Variants in MARCHF1 observed in about 807,000 individuals in gnomAD.
MARCHF1 encodes membrane associated ring-CH-type finger 1.
A neutral mutation model predicts 54.2 loss-of-function variants in MARCHF1; 40 were observed. The observed-to-expected ratio is 0.74, with a 90% confidence interval of 0.57 to 0.96. The LOEUF is 0.96. Among genes scored for constraint, MARCHF1 ranks in the 40% least tolerant of loss-of-function variants. The pLI is 0.00. For missense variants in MARCHF1, 586 were observed against 656.5 expected (o/e 0.89, Z 1.17); for synonymous variants, 236 against 236.3 (o/e 1.00, Z 0.01).
chr4:164,296,920 G>A (rs1490386724), intron 1 of MARCHF1, among the ~76,000 whole-genome samples: 2 of 152,176 alleles, frequency 1.3e-5, no homozygotes, highest in African/African-American at 4.8e-5. Flanking sequence ...CTATCAAGGA[G>A]GTGGTAGAGC....
At chr4:163,741,135 T>C (rs892328976) in intron 4 of MARCHF1, among the ~76,000 whole-genome samples, 7 of 152,226 alleles carry the variant, frequency 4.6e-5, no homozygotes, top group Admixed American at 2.6e-4. Flanking sequence ...CTACTAGTTA[T>C]GCAACCTTGG....
chr4:164,193,839 C>T (rs1731185225), intron 1 of MARCHF1, among the ~76,000 whole-genome samples: 1 of 152,148 alleles, frequency 6.6e-6, no homozygotes, highest in South Asian at 2.1e-4. Context: ...TCCAAAGACT[C>T]TTGTAATAAA....
intron 1 of MARCHF1, among the ~76,000 whole-genome samples, chr4:164,132,237 T>C (rs1174297243): frequency 6.6e-6 from 1 of 152,194 alleles, no homozygotes; most frequent in Non-Finnish European, 1.5e-5. Context: ...GCTTATACTT[T>C]GCATTTGTTT....
intron 2 of MARCHF1, among the ~76,000 whole-genome samples, chr4:164,107,820 A>G (rs1219174603): frequency 6.6e-6 from 1 of 152,046 alleles, no homozygotes; most frequent in Non-Finnish European, 1.5e-5. Context: ...GATAATACAA[A>G]AAAAAAGAGA....
intron 1 of MARCHF1, among the ~76,000 whole-genome samples, chr4:164,144,934 T>A: frequency 7.9e-6 from 1 of 126,908 alleles, no homozygotes; most frequent in Non-Finnish European, 1.6e-5. Context: ...GCAAGACTAA[T>A]AAAGAAAAAA....
rs532491314 is a variant in MARCHF1 at position 163,626,292 on chromosome 4, G to A, written c.163-12899C>T. On this transcript the variant is annotated intron_variant, in intron 5 of 9. Coordinates refer to ENST00000514618, the MANE Select transcript of MARCHF1 (RefSeq NM_001394959.1). Reference sequence around the variant, plus strand: ...TCTAGGCCATGATTGTGCTCTAGGGGCAATGTTAACTATTGCCAATTGGCC... The same window carrying A: ...TCTAGGCCATGATTGTGCTCTAGGGACAATGTTAACTATTGCCAATTGGCC... Among the ~76,000 whole-genome samples, 8 of 152,276 alleles carry A rather than the reference G, an allele frequency of 5.3e-5. No homozygotes were observed. In the South Asian group the frequency reaches 1.7e-3, roughly 32 times the overall value.
At chr4:164,120,045 T>A (rs1057323066) in intron 1 of MARCHF1, among the ~76,000 whole-genome samples, 4 of 151,738 alleles carry the variant, frequency 2.6e-5, no homozygotes, top group Non-Finnish European at 4.4e-5. Context: ...TTAAAAAAAC[T>A]ACAGATCAAC....
chr4:163,525,627 T>A lies in MARCHF1; in HGVS notation c.*3121A>T, dbSNP rs922580533. On this transcript the variant is annotated 3_prime_UTR_variant, in exon 10 of 10. Coordinates refer to ENST00000514618, the MANE Select transcript of MARCHF1 (RefSeq NM_001394959.1). ...TTTAAAAAAATTAACAGCATCAATGTCTGGTTTAATACTGAAGATTCATGA... is the reference window on the plus strand; with the variant it reads ...TTTAAAAAAATTAACAGCATCAATGACTGGTTTAATACTGAAGATTCATGA... 2 of 107,382 alleles carry A rather than the reference T, an allele frequency of 1.9e-5. No homozygotes were observed. The highest frequency in any genetic ancestry group is 2.3e-4 in the Admixed American group (2 of 8,640). 6.7% of individuals were successfully genotyped at this position (107,382 alleles called of 1,614,324 possible).
At chr4:163,803,589 T>C (rs912688237) in intron 4 of MARCHF1, among the ~76,000 whole-genome samples, 5 of 152,252 alleles carry the variant, frequency 3.3e-5, no homozygotes, top group Non-Finnish European at 7.3e-5. Context: ...CATGTAATAC[T>C]ATGTACACAG....
chr4:163,546,369 T>C lies in MARCHF1; in HGVS notation c.1192-626A>G, dbSNP rs59736393. Among the ~76,000 whole-genome samples the C allele has an allele frequency of 5.6e-4, 86 of 152,354 alleles. 2 individuals carry two copies. The East Asian group carries it at 0.016, about 28-fold the overall frequency. The stretch of plus-strand genomic sequence containing the variant: ...TCATTTCTGTTTTGCAAGTCTATAG[T>C]TTCCTCATCTGTACCAAGAATGAGA... On this transcript the variant is annotated intron_variant, in intron 8 of 9. Transcript: ENST00000514618.
chr4:163,898,120 C>T (rs1210474201), intron 3 of MARCHF1, among the ~76,000 whole-genome samples: 24 of 143,886 alleles, frequency 1.7e-4, no homozygotes, highest in Non-Finnish European at 3.0e-4. Flanking sequence ...CTCTTTTGGA[C>T]ATAGGTCTAG....
chr4:164,034,571 T>C (rs1385254384), intron 2 of MARCHF1, among the ~76,000 whole-genome samples: 2 of 152,176 alleles, frequency 1.3e-5, no homozygotes, highest in African/African-American at 4.8e-5. Flanking sequence ...GCTCAACCTG[T>C]ACTGTCACTA....
intron 3 of MARCHF1, among the ~76,000 whole-genome samples, chr4:163,977,148 T>C (rs1452630295): frequency 6.6e-6 from 1 of 151,226 alleles, no homozygotes; most frequent in African/African-American, 2.4e-5. Flanking sequence ...TATAAATATA[T>C]AAAATATATA....
At chr4:164,214,624 CT>C (rs1731876355) in intron 1 of MARCHF1, among the ~76,000 whole-genome samples, 1 of 152,124 alleles carries the variant, frequency 6.6e-6, no homozygotes, top group Non-Finnish European at 1.5e-5. Flanking sequence ...TCTTTAGAAT[CT>C]TTGTCAGTTT....
intron 1 of MARCHF1, among the ~76,000 whole-genome samples, chr4:164,184,700 A>C (rs981949090): frequency 6.6e-6 from 1 of 152,100 alleles, no homozygotes; most frequent in East Asian, 1.9e-4. Context: ...GTAATGATCA[A>C]CTCCCAATGT....
chr4:163,718,680 G>C (rs1304624749), intron 4 of MARCHF1, among the ~76,000 whole-genome samples: 1 of 152,076 alleles, frequency 6.6e-6, no homozygotes, highest in Non-Finnish European at 1.5e-5. Context: ...TGGTTAACAA[G>C]CCTTTTTTTT....
chr4:163,695,326 C>T (rs1415233640), intron 5 of MARCHF1, among the ~76,000 whole-genome samples: 1 of 152,058 alleles, frequency 6.6e-6, no homozygotes, highest in African/African-American at 2.4e-5. Flanking sequence ...GAAGAAAACA[C>T]CTATTTAAAA....
chr4:164,308,077 G>C (rs1340666640), intron 1 of MARCHF1, among the ~76,000 whole-genome samples: 1 of 152,136 alleles, frequency 6.6e-6, no homozygotes, highest in African/African-American at 2.4e-5. Flanking sequence ...CAGTGTATGG[G>C]AGAGGCTGGA....
intron 8 of MARCHF1, among the ~76,000 whole-genome samples, chr4:163,562,659 GACTTCTTTTCTCAC>G (rs1739509744): frequency 6.6e-6 from 1 of 152,054 alleles, no homozygotes; most frequent in African/African-American, 2.4e-5. Flanking sequence ...ACATCCTGAT[GACTTCTTTTCTCAC>G]ACTTCTGTCA....
Sources: gnomAD v4.1 joint callset for allele counts (sites outside exome capture counted in the v4.1 genomes callset) on GRCh38, gnomAD v4.1.1 for gene constraint, MANE v1.5 for transcripts, NCBI Gene and HGNC (gene_info 2026-07-23, HGNC 2026-07-21) for gene names.